TNFRSF21: variants seen among roughly 807,000 people sequenced by gnomAD.
TNFRSF21 encodes the protein tumor necrosis factor receptor superfamily member 21.
In TNFRSF21, 19 loss-of-function variants were observed where a neutral mutation model predicts 45.6. That is an observed-to-expected ratio of 0.42 (90% CI 0.29 to 0.61). The LOEUF (loss-of-function observed/expected upper bound fraction) is 0.61, where lower values mean the gene tolerates loss of function less well. Among genes scored for constraint, TNFRSF21 ranks in the 20% least tolerant of loss-of-function variants. The pLI, the probability that TNFRSF21 is intolerant of heterozygous loss-of-function variation, is 0.23. For synonymous variants in TNFRSF21, 314 were observed against 335.5 expected, an observed-to-expected ratio of 0.94 and a Z score of 0.70; for missense variants, 737 against 851.5, an observed-to-expected ratio of 0.87 and a Z score of 1.67.
intron 3 of TNFRSF21, among the ~76,000 whole-genome samples, chr6:47,276,818 G>A (rs1170842381): frequency 2.0e-5 from 3 of 152,224 alleles, no homozygotes; most frequent in Non-Finnish European, 4.4e-5. Flanking sequence ...AGCCACTGAA[G>A]AGTCTTGCTT....
chr6:47,243,365 C>CTG (rs549800281), intron 4 of TNFRSF21, among the ~76,000 whole-genome samples: 55 of 151,798 alleles, frequency 3.6e-4, no homozygotes, highest in African/African-American at 7.3e-4. Flanking sequence ...TATGTATATA[C>CTG]TGTGTGTGTG....
In TNFRSF21 at chr6:47,234,694, T is replaced by C; in HGVS notation, c.1714A>G (p.Arg572Gly). ...CCTTTGGTAATAAAGGAACCGTTCC[T>C]GCTCAGCGCGGAGGAGCCGCTGGAT... ...STSSGSSALS[R>G]NGSFITKEKK... Residue 572 changes from arginine (R) to glycine (G), a missense_variant, in exon 5 of 6, where the codon AGG becomes GGG. By Grantham distance (125) the Arg-to-Gly change is moderately radical. Transcript: ENST00000296861. The C allele has an allele frequency of 3.1e-6, 5 of 1,610,724 alleles. No individual in the cohort carries two copies. Among genetic ancestry groups the C allele is most frequent in the Non-Finnish European group, 4.2e-6 (5 of 1,178,618 alleles).
intron 1 of TNFRSF21, among the ~76,000 whole-genome samples, chr6:47,296,177 T>C (rs1162952684): frequency 6.6e-6 from 1 of 152,174 alleles, no homozygotes; most frequent in Non-Finnish European, 1.5e-5. Flanking sequence ...GGAGGAAAGA[T>C]GCAGAAGGAA....
chr6:47,285,010 C>T (rs946467918), intron 2 of TNFRSF21, among the ~76,000 whole-genome samples: 7 of 152,108 alleles, frequency 4.6e-5, no homozygotes, highest in African/African-American at 1.7e-4. Context: ...GAGAAGCCTC[C>T]ATAAGTAATT....
At chr6:47,288,559 G>A (rs527639846) in intron 1 of TNFRSF21, among the ~76,000 whole-genome samples, 4 of 148,020 alleles carry the variant, frequency 2.7e-5, no homozygotes, top group Non-Finnish European at 4.4e-5. Context: ...AAAATAAAGC[G>A]GTAGAAACAA....
In TNFRSF21 at chr6:47,309,898, G is replaced by A. The variant is rs1413950460; in HGVS notation, c.-387C>T. On this transcript the variant is annotated 5_prime_UTR_variant, in exon 1 of 6. Transcript: ENST00000296861. ...TCCTCCGCTGCCCAGACTGGTCGGC[G>A]AGGGACTGAGTCGGTGGCCACCGGG... 1.2e-5 allele frequency: 2 copies of A among 168,932 alleles called. No individual in the cohort carries two copies. Among genetic ancestry groups the A allele is most frequent in the African/African-American group, 4.7e-5 (2 of 42,164 alleles). The allele number at this position is 168,932 out of a possible 1,614,324, so 10.5% of individuals were successfully genotyped here. A position where few individuals can be genotyped will look rare whatever the true frequency, so the allele number is the denominator to read the frequency against.
chr6:47,244,671 C>T (rs559897354), intron 4 of TNFRSF21, among the ~76,000 whole-genome samples: 13 of 152,212 alleles, frequency 8.5e-5, no homozygotes, highest in African/African-American at 2.2e-4. Context: ...TTAATTTCAG[C>T]CTGTCCTGTG....
Position 47,244,049 on chromosome 6 carries a change from C to T in TNFRSF21, c.1510-9151G>A, listed in dbSNP as rs371212387. Among the ~76,000 whole-genome samples, 31 of 152,206 alleles carry T rather than the reference C, an allele frequency of 2.0e-4. 1 individual carries two copies. The South Asian group carries it at 4.6e-3, about 22-fold the overall frequency. On this transcript the variant is annotated intron_variant, in intron 4 of 5. Coordinates refer to ENST00000296861, the MANE Select transcript of TNFRSF21 (RefSeq NM_014452.5). ...GTTTAAAAAGTCTTCAGGCTGGGCG[C>T]GGTGGCTCACACCTGTAATCCCAGC...
intron 1 of TNFRSF21, among the ~76,000 whole-genome samples, chr6:47,292,289 T>C (rs1340691163): frequency 6.6e-6 from 1 of 152,104 alleles, no homozygotes; most frequent in East Asian, 1.9e-4. Context: ...CCTTAATTCC[T>C]TCACTTGTAC....
At chr6:47,244,979 A>G (rs1764802599) in intron 4 of TNFRSF21, among the ~76,000 whole-genome samples, 1 of 152,210 alleles carries the variant, frequency 6.6e-6, no homozygotes, top group African/African-American at 2.4e-5. Flanking sequence ...TTTGCCTTTA[A>G]AAAGAAAAAG....
intron 4 of TNFRSF21, among the ~76,000 whole-genome samples, chr6:47,245,455 TG>T (rs1561939000): frequency 6.1e-4 from 76 of 123,984 alleles, no homozygotes; most frequent in African/African-American, 3.1e-3. Flanking sequence ...TGTGTGTGTG[TG>T]TTTGTGTGTG....
chr6:47,247,909 C>T (rs1329874714), intron 4 of TNFRSF21, among the ~76,000 whole-genome samples: 4 of 152,114 alleles, frequency 2.6e-5, no homozygotes, highest in African/African-American at 9.7e-5. Context: ...AAAACATTGG[C>T]GGTGGGTCCA....
At chr6:47,271,593 G>T (rs572916537) in intron 3 of TNFRSF21, among the ~76,000 whole-genome samples, 1 of 152,308 alleles carries the variant, frequency 6.6e-6, no homozygotes, top group Admixed American at 6.5e-5. Context: ...ATGCTATGAA[G>T]AAACTGCATC....
At chr6:47,307,796 T>A (rs1469992432) in intron 1 of TNFRSF21, among the ~76,000 whole-genome samples, 1 of 152,260 alleles carries the variant, frequency 6.6e-6, no homozygotes, top group Non-Finnish European at 1.5e-5. Flanking sequence ...AATGGAGTAT[T>A]GCACAATGAC....
rs189526673 is a variant in TNFRSF21 at position 47,253,132 on chromosome 6, G to A, written c.1509+124C>T. On this transcript the variant is annotated intron_variant, in intron 4 of 5. Transcript: ENST00000296861. ...TGTGTGTGTGTGTGCAGGCGTATGCGTGTGTGTGTGTGTGTGCCTATCCAC... is the reference window on the plus strand; with the variant it reads ...TGTGTGTGTGTGTGCAGGCGTATGCATGTGTGTGTGTGTGTGCCTATCCAC... 1.8e-3 allele frequency: 1,238 copies of A among 672,834 alleles called. 23 individuals carry two copies. In the East Asian group the frequency reaches 0.046, roughly 25 times the overall value. 41.7% of individuals were successfully genotyped at this position (672,834 alleles called of 1,614,324 possible).
chr6:47,247,004 G>A (rs1884309), intron 4 of TNFRSF21, among the ~76,000 whole-genome samples: 5,904 of 152,254 alleles, frequency 0.039, 358 homozygotes, highest in African/African-American at 0.13. Flanking sequence ...CCACAAGTGA[G>A]TTATTGAAAG....
intron 3 of TNFRSF21, among the ~76,000 whole-genome samples, chr6:47,279,508 TCTTTA>T (rs1762538832): frequency 6.6e-6 from 1 of 152,232 alleles, no homozygotes; most frequent in Admixed American, 6.5e-5. Flanking sequence ...AATTCTACTA[TCTTTA>T]CTTTTGTTCT....
At chr6:47,267,154 A>C (rs1279613697) in intron 3 of TNFRSF21, among the ~76,000 whole-genome samples, 1 of 151,296 alleles carries the variant, frequency 6.6e-6, no homozygotes, top group African/African-American at 2.4e-5. Flanking sequence ...GCTGGAGTGC[A>C]GTGGTGAGAT....
At chr6:47,289,692 T>A (rs1291581049) in intron 1 of TNFRSF21, among the ~76,000 whole-genome samples, 1 of 152,132 alleles carries the variant, frequency 6.6e-6, no homozygotes. Flanking sequence ...GGAACCCAAG[T>A]TACATTTGTC....
Sources: gnomAD v4.1 joint callset for allele counts (sites outside exome capture counted in the v4.1 genomes callset) on GRCh38, gnomAD v4.1.1 for gene constraint, MANE v1.5 for transcripts, NCBI Gene and HGNC (gene_info 2026-07-23, HGNC 2026-07-21) for gene names.